The following SEMA3F variants were observed in gnomAD, a reference collection of about 807,000 sequenced individuals.
The protein encoded by SEMA3F is semaphorin-3F.
Under a neutral mutation model 98.5 loss-of-function variants are expected in SEMA3F, and 30 were observed. That is an observed-to-expected ratio of 0.30 (90% confidence interval 0.23 to 0.41). The LOEUF is 0.41. SEMA3F is among the 10% of genes least tolerant of loss of function. SEMA3F has a pLI of 1.00. For synonymous variants in SEMA3F, 380 were observed against 444.8 expected (o/e 0.85, Z 1.83); for missense variants, 866 against 1,119.3 (o/e 0.77, Z 3.23).
chr3:50,174,334 G>T lies in SEMA3F; in HGVS notation c.440G>T (p.Arg147Leu), dbSNP rs756396183. ...AYNPMCTYVNRGRRAQATPWT... is the reference protein window; with the variant it reads ...AYNPMCTYVNLGRRAQATPWT... ...AACCCCATGTGCACCTATGTGAACC[G>T]CGGACGCCGCGCCCAGGTAAGCCCC... The change falls in exon 5 of 19, where the codon CGC (arginine) becomes CTC (leucine). Residue 147 changes from arginine (R) to leucine (L), a missense_variant. Physicochemically the swap from Arg to Leu is moderately radical, Grantham distance 102 (BLOSUM62 -2). Coordinates refer to ENST00000002829, the MANE Select transcript of SEMA3F (RefSeq NM_004186.5). 3 of 1,612,096 alleles carry T rather than the reference G, an allele frequency of 1.9e-6. No individual in the cohort carries two copies. Among genetic ancestry groups the T allele is most frequent in the Non-Finnish European group, 2.5e-6 (3 of 1,179,472 alleles).
chr3:50,177,678 A>T (rs920946573), intron 7 of SEMA3F, among the ~76,000 whole-genome samples: 1 of 152,228 alleles, frequency 6.6e-6, no homozygotes, highest in South Asian at 2.1e-4. Context: ...AGGCAAGTAC[A>T]TTATTAAATT....
chr3:50,160,080 C>T (rs1181567639), intron 2 of SEMA3F, among the ~76,000 whole-genome samples: 7 of 152,142 alleles, frequency 4.6e-5, no homozygotes. Context: ...CTGCTGCGGC[C>T]CCTCCTTGCC....
chr3:50,186,339 A>G lies in SEMA3F; in HGVS notation c.1804A>G (p.Asn602Asp). The change falls in exon 17 of 19, where the codon AAC (asparagine) becomes GAC (aspartate). Residue 602 changes from asparagine (N) to aspartate (D), a missense_variant. By Grantham distance (23) the Asn-to-Asp change is conservative (BLOSUM62 1). This residue lies in a region of SEMA3F where 245 missense variants were observed against 260.5 expected (regional missense o/e 0.94). Transcript: ENST00000002829. ...GNPIRQCRGF[N>D]SNANKNAVES... ...CCCCATCAGGCAGTGCCGTGGGTTC[A>G]ACTCCAATGGTGAGTATGCTGGGCC... is the stretch of plus-strand genomic sequence containing the variant. 1 of 1,613,816 alleles carries G rather than the reference A, an allele frequency of 6.2e-7. No homozygotes were observed. Among genetic ancestry groups the G allele is most frequent in the Admixed American group, 1.7e-5 (1 of 59,998 alleles).
chr3:50,184,884 G>A (rs1166005305), intron 13 of SEMA3F, 70 bp downstream of exon 13: 6 of 1,223,092 alleles, frequency 4.9e-6, no homozygotes, highest in Non-Finnish European at 7.0e-6. Context: ...CCTTGGGGCT[G>A]GGGCTTGCCC....
Position 50,182,513 on chromosome 3 carries a change from C to T in SEMA3F, c.763+110C>T. ...GGGGACATGTTTAGCCTATGACTACCTGGGGCAGGGGTAGTTTCTTATCTG... is the reference window on the plus strand; with the variant it reads ...GGGGACATGTTTAGCCTATGACTACTTGGGGCAGGGGTAGTTTCTTATCTG... On this transcript the variant is annotated intron_variant, in intron 8 of 18. Coordinates refer to ENST00000002829, the MANE Select transcript of SEMA3F (RefSeq NM_004186.5). The surrounding 1 kb of genome is among the most constrained non-coding windows in gnomAD (Gnocchi z 4.5). 6.3e-7 allele frequency: 1 copy of T among 1,577,958 alleles called. No individual in the cohort carries two copies. Among genetic ancestry groups the T allele is most frequent in the Non-Finnish European group, 8.6e-7 (1 of 1,156,520 alleles).
chr3:50,186,236 G>A, intron 16 of SEMA3F, 45 bp from the exon 17 acceptor site: 1 of 1,596,738 alleles, frequency 6.3e-7, no homozygotes, highest in African/African-American at 1.3e-5. Flanking sequence ...GACCTGGGGG[G>A]GCAAGCTTCC....
At chr3:50,186,404 G>A (rs573407450) in intron 17 of SEMA3F, 56 bp downstream of exon 17, 3 of 1,559,330 alleles carry the variant, frequency 1.9e-6, no homozygotes, top group African/African-American at 1.4e-5. Context: ...AGTCCACGCA[G>A]CCCACGAAGC....
intron 7 of SEMA3F, among the ~76,000 whole-genome samples, chr3:50,179,589 A>G (rs893420113): frequency 3.9e-5 from 6 of 152,160 alleles, no homozygotes; most frequent in African/African-American, 1.4e-4. Context: ...GCCTCCCAAA[A>G]TGCTGGGATA....
At position 50,187,696 on chromosome 3, in the gene SEMA3F, C is replaced by T. The variant is rs1450176121; in HGVS notation, c.1948-9C>T. 4 of 1,570,922 alleles carry T rather than the reference C, an allele frequency of 2.5e-6. No individual in the cohort carries two copies. The highest frequency in any genetic ancestry group is 2.6e-6 in the Non-Finnish European group (3 of 1,152,586). ...AGAGCCTCTGAACCCCCTCTCCTTG[C>T]CCCTGCAGATTCGTGCAGAGGACCG... On this transcript the variant is annotated splice_polypyrimidine_tract_variant and intron_variant, in intron 18 of 18. Transcript: ENST00000002829.
At chr3:50,160,054 C>T (rs1698145840) in intron 2 of SEMA3F, among the ~76,000 whole-genome samples, 1 of 152,128 alleles carries the variant, frequency 6.6e-6, no homozygotes, top group South Asian at 2.1e-4. Context: ...CAATGTCACT[C>T]CTTCCAAACT....
Position 50,183,423 on chromosome 3 carries a change from C to T in SEMA3F, c.1092C>T (p.Ser364=), listed in dbSNP as rs140413625. 2.2e-4 allele frequency: 357 copies of T among 1,613,826 alleles called. No individual in the cohort carries two copies. Among genetic ancestry groups the T allele is most frequent in the South Asian group, 3.7e-4 (34 of 91,086 alleles). ...GCAGCGCCTGCCATGCCCACAGCTC[C>T]GTGTTCCGAGGCTCTGCCGTGTGTG... The part of the protein sequence containing the change: ...VIYAVFTSSG[S]VFRGSAVCVY... Residue 364 remains serine, a synonymous_variant, in exon 12 of 19, where the codon TCC becomes TCT. Transcript: ENST00000002829.
chr3:50,186,130 C>T (rs1034445858), intron 16 of SEMA3F, 84 bp downstream of exon 16: 110 of 1,492,892 alleles, frequency 7.4e-5, no homozygotes, highest in South Asian at 1.8e-4. Flanking sequence ...TGATATTACC[C>T]GGGGTGCATG....
chr3:50,168,602 T>A (rs569838624), intron 2 of SEMA3F, among the ~76,000 whole-genome samples: 2 of 152,276 alleles, frequency 1.3e-5, no homozygotes, highest in Admixed American at 1.3e-4. Context: ...TCTGTGGCCA[T>A]GGGCTGAGGC....
At chr3:50,179,518 G>A (rs1376482345) in intron 7 of SEMA3F, among the ~76,000 whole-genome samples, 3 of 152,120 alleles carry the variant, frequency 2.0e-5, no homozygotes, top group Admixed American at 6.5e-5. Context: ...TAGAGAAAGC[G>A]TCTCGCCATG....
rs1697971326 is a variant in SEMA3F at position 50,156,155 on chromosome 3, G to T, written c.-49+591G>T. 1 of 152,426 alleles carries T rather than the reference G, an allele frequency of 6.6e-6. No individual in the cohort carries two copies. Among genetic ancestry groups the T allele is most frequent in the Non-Finnish European group, 1.5e-5 (1 of 68,176 alleles). 9.4% of individuals were successfully genotyped at this position (152,426 alleles called of 1,614,324 possible). A position where few individuals can be genotyped will look rare whatever the true frequency, so the allele number is the denominator to read the frequency against. The stretch of plus-strand genomic sequence containing the variant: ...GGGTTTGCTTTTACAGCAGAGTCCT[G>T]CCTGGATTAGGGGCACGGCTGTATG... On this transcript the variant is annotated intron_variant, in intron 1 of 18. Transcript: ENST00000002829. This position sits in a 1 kb window ranked among gnomAD's most constrained non-coding sequence, Gnocchi z 4.5.
rs1699033780 is a variant in SEMA3F, at chr3:50,182,041, T to A, written c.644-243T>A. 6.6e-6 allele frequency among the ~76,000 whole-genome samples: 1 copy of A among 152,240 alleles called. No homozygotes were observed. Among genetic ancestry groups the A allele is most frequent in the Admixed American group, 6.5e-5 (1 of 15,282 alleles). ...GTGACCTCAGGTTGGTAGCTTGAAA[T>A]TAGTTGTGGCAGGAGTATTCACACC... On this transcript the variant is annotated intron_variant, in intron 7 of 18. Transcript: ENST00000002829. This position sits in a 1 kb window ranked among gnomAD's most constrained non-coding sequence, Gnocchi z 4.5.
chr3:50,188,124 G>T lies in SEMA3F; in HGVS notation c.*9G>T, dbSNP rs1476888905. 1 of 1,458,454 alleles carries T rather than the reference G, an allele frequency of 6.9e-7. No individual in the cohort carries two copies. The highest frequency in any genetic ancestry group is 9.0e-7 in the Non-Finnish European group (1 of 1,107,296). The allele number at this position is 1,458,454 out of a possible 1,614,324, so 90.3% of individuals were successfully genotyped here. A position where few individuals can be genotyped will look rare whatever the true frequency, so the allele number is the denominator to read the frequency against. Reference sequence around the variant, plus strand: ...ACCCTCCGGACACATGAGGCCAGCTGCCTGTGCCTGCCATGGGCCAGCCTA... The same window carrying T: ...ACCCTCCGGACACATGAGGCCAGCTTCCTGTGCCTGCCATGGGCCAGCCTA... On this transcript the variant is annotated 3_prime_UTR_variant, in exon 19 of 19. Transcript: ENST00000002829. The surrounding 1 kb of genome is among the most constrained non-coding windows in gnomAD (Gnocchi z 4.5).
At position 50,188,565 on chromosome 3, in the gene SEMA3F, CAA is replaced by C. The variant is rs961436513; in HGVS notation, c.*451_*452del. ...ACCACTTTGGAGACTGGGGTGGCCT[CAA>C]GAGCACACAGAGAAGGGAAGAAGGG... is the stretch of plus-strand genomic sequence containing the variant. On this transcript the variant is annotated 3_prime_UTR_variant, in exon 19 of 19. Transcript: ENST00000002829. This position sits in a 1 kb window ranked among gnomAD's most constrained non-coding sequence, Gnocchi z 4.5. 1 of 152,492 alleles carries C rather than the reference CAA, an allele frequency of 6.6e-6. No homozygotes were observed. Among genetic ancestry groups the C allele is most frequent in the Non-Finnish European group, 1.5e-5 (1 of 68,098 alleles). The allele number at this position is 152,492 out of a possible 1,614,324, so 9.4% of individuals were successfully genotyped here.
Position 50,185,447 on chromosome 3 carries a change from C to A in SEMA3F, c.1461C>A (p.Arg487=), listed in dbSNP as rs769871462. ...RYEVLFLGTD[R]GTVQKVIVLP... is the part of the protein sequence containing the mutation. ...GCCCTGCCCGGCCCGTTCCAGACCG[C>A]GGGACAGTGCAGAAGGTCATTGTGC... The change falls in exon 14 of 19, where the codon CGC becomes CGA. Residue 487 remains arginine, a synonymous_variant. Coordinates refer to ENST00000002829, the MANE Select transcript of SEMA3F (RefSeq NM_004186.5). 3.1e-6 allele frequency: 5 copies of A among 1,613,262 alleles called. No homozygotes were observed. The highest frequency in any genetic ancestry group is 3.4e-6 in the Non-Finnish European group (4 of 1,179,690).
Sources: gnomAD v4.1 joint callset for allele counts (sites outside exome capture counted in the v4.1 genomes callset) on GRCh38, gnomAD v4.1.1 for gene constraint, gnomAD v4.1.1 regional missense constraint, Gnocchi (gnomAD v3.1) non-coding constraint, MANE v1.5 for transcripts, NCBI Gene and HGNC (gene_info 2026-07-23, HGNC 2026-07-21) for gene names.